STK3: variants seen among roughly 807,000 people sequenced by gnomAD.
The protein encoded by STK3 is serine/threonine-protein kinase 3.
In STK3, 41 loss-of-function variants were observed where a neutral mutation model predicts 58.0. The ratio of observed to expected loss-of-function variants is 0.71; its 90% CI spans 0.55 to 0.92. The LOEUF is 0.92. Ranked by LOEUF, STK3 falls within the 40% of genes least tolerant of loss-of-function variation. The pLI is 0.00. For synonymous variants in STK3, 170 were observed against 191.0 expected, an observed-to-expected ratio of 0.89 and a Z score of 0.91; for missense variants, 479 against 602.7, an observed-to-expected ratio of 0.79 and a Z score of 2.15.
chr8:98,653,487 C>T (rs904769975), intron 6 of STK3, among the ~76,000 whole-genome samples: 2 of 152,028 alleles, frequency 1.3e-5, no homozygotes, highest in Admixed American at 6.6e-5. Flanking sequence ...AAAATCAGAG[C>T]AGAACTGAAG....
intron 1 of STK3, among the ~76,000 whole-genome samples, chr8:98,810,089 T>C (rs889180095): frequency 9.2e-5 from 14 of 152,132 alleles, no homozygotes; most frequent in African/African-American, 3.4e-4. Context: ...TGCTACACAC[T>C]TAGAAACAAC....
chr8:98,866,061 A>G (rs182624752), intron 3 of STK3, among the ~76,000 whole-genome samples: 2 of 152,284 alleles, frequency 1.3e-5, no homozygotes, highest in African/African-American at 2.4e-5. Flanking sequence ...TTTCTTCCCT[A>G]TCTACACCCT....
At chr8:98,404,468 C>A (rs1241657039) in intron 3 of STK3, among the ~76,000 whole-genome samples, 1 of 152,084 alleles carries the variant, frequency 6.6e-6, no homozygotes, top group Non-Finnish European at 1.5e-5. Context: ...ATCACGAGGT[C>A]AGGAGATCGA....
chr8:98,413,501 T>G (rs1465561934), intron 3 of STK3: 3 of 628,270 alleles, frequency 4.8e-6, no homozygotes, highest in African/African-American at 3.6e-5. Context: ...GAAGTCCATT[T>G]GTGACACTAG....
intron 1 of STK3, among the ~76,000 whole-genome samples, chr8:98,884,916 T>C (rs897213170): frequency 6.6e-6 from 1 of 152,260 alleles, no homozygotes; most frequent in Non-Finnish European, 1.5e-5. Flanking sequence ...TTTATGATGC[T>C]GGGAACCATT....
At position 98,658,358 on chromosome 8, in the gene STK3, C is replaced by T. The variant is rs145599204; in HGVS notation, c.684+48109G>A. ...AGAGGGAGTGCTGCTGAGATTAGTA[C>T]CTGCAGGGTCATGCTTGCAATAACC... On this transcript the variant is annotated intron_variant, in intron 6 of 10. Coordinates refer to ENST00000419617, the MANE Select transcript of STK3 (RefSeq NM_006281.4). Among the ~76,000 whole-genome samples, 1,405 of 152,044 alleles carry T rather than the reference C, an allele frequency of 9.2e-3. 18 individuals carry two copies. Among genetic ancestry groups the T allele is most frequent in the African/African-American group, 0.032 (1,328 of 41,478 alleles).
intron 1 of STK3, among the ~76,000 whole-genome samples, chr8:98,794,232 TG>T (rs1327150259): frequency 2.2e-4 from 34 of 152,142 alleles, no homozygotes; most frequent in African/African-American, 7.9e-4. Context: ...AACAAAAAGT[TG>T]GTTTTCTAAG....
chr8:98,743,151 C>T (rs993829802), intron 4 of STK3, among the ~76,000 whole-genome samples: 3 of 151,850 alleles, frequency 2.0e-5, no homozygotes, highest in African/African-American at 7.3e-5. Context: ...AATGGCCATA[C>T]TGCCCAAGGT....
chr8:98,653,939 T>C (rs1821221148), intron 6 of STK3, among the ~76,000 whole-genome samples: 1 of 152,170 alleles, frequency 6.6e-6, no homozygotes. Context: ...TCTGAAACTA[T>C]TCCAATCAAT....
intron 7 of STK3, among the ~76,000 whole-genome samples, chr8:98,588,675 T>A (rs1337744030): frequency 2.0e-5 from 3 of 150,540 alleles, no homozygotes; most frequent in Non-Finnish European, 4.5e-5. Context: ...TTCTCCTGGA[T>A]AATATCCTGC....
At chr8:98,918,496 G>A (rs745415264) in intron 1 of STK3, among the ~76,000 whole-genome samples, 1 of 152,196 alleles carries the variant, frequency 6.6e-6, no homozygotes, top group Non-Finnish European at 1.5e-5. Context: ...AAGATCGGGT[G>A]TGGTGGCTTA....
At chr8:98,513,481 C>G (rs964657256) in intron 10 of STK3, among the ~76,000 whole-genome samples, 1 of 152,130 alleles carries the variant, frequency 6.6e-6, no homozygotes, top group Non-Finnish European at 1.5e-5. Context: ...GCAAACTTGC[C>G]CTGGTGCTGC....
intron 6 of STK3, among the ~76,000 whole-genome samples, chr8:98,659,359 T>C (rs1821795462): frequency 6.6e-6 from 1 of 152,020 alleles, no homozygotes; most frequent in South Asian, 2.1e-4. Context: ...ACCTTACATA[T>C]ACAAATGATT....
intron 3 of STK3, chr8:98,413,684 C>T: frequency 1.1e-6 from 1 of 951,398 alleles, no homozygotes; most frequent in South Asian, 1.3e-5. Flanking sequence ...CAGTGTGCAC[C>T]ACAAATTGGT....
intron 4 of STK3, among the ~76,000 whole-genome samples, chr8:98,741,318 G>A (rs1220632183): frequency 2.6e-5 from 4 of 151,978 alleles, no homozygotes; most frequent in African/African-American, 7.2e-5. Flanking sequence ...CACCACACCT[G>A]TTCCAAAATT....
downstream of STK3, chr8:98,879,966 A>G (rs1369848126): frequency 6.6e-6 from 1 of 152,228 alleles, no homozygotes; most frequent in African/African-American, 2.4e-5. Context: ...ATAGTCAAAA[A>G]TAAATATAAA....
chr8:98,919,310 C>T (rs1839461387), intron 1 of STK3, among the ~76,000 whole-genome samples: 1 of 152,216 alleles, frequency 6.6e-6, no homozygotes, highest in African/African-American at 2.4e-5. Flanking sequence ...TCTGTCCATT[C>T]ACCTACCCAC....
intron 6 of STK3, among the ~76,000 whole-genome samples, chr8:98,645,085 G>A (rs979945354): frequency 1.3e-5 from 2 of 152,116 alleles, no homozygotes; most frequent in Non-Finnish European, 2.9e-5. Context: ...TACAACCCTT[G>A]GTGTACCAAA....
Position 98,934,270 on chromosome 8 carries a change from G to A in STK3, c.-79+8108C>T, listed in dbSNP as rs1840115517. Among the ~76,000 whole-genome samples, 3 of 152,180 alleles carry A rather than the reference G, an allele frequency of 2.0e-5. No homozygotes were observed. The South Asian group carries it at 6.2e-4, about 31-fold the overall frequency. On this transcript the variant is annotated intron_variant, in intron 1 of 1. Coordinates refer to the STK3 transcript ENST00000519420. ...AAGGAAAAAATGAAGTCCTGCTGCA[G>A]AAGACCCAGTCACTAGGCCCACCTG...
Sources: gnomAD v4.1 joint callset for allele counts (sites outside exome capture counted in the v4.1 genomes callset) on GRCh38, gnomAD v4.1.1 for gene constraint, MANE v1.5 for transcripts, NCBI Gene and HGNC (gene_info 2026-07-23, HGNC 2026-07-21) for gene names.